LCOR: variants seen among roughly 807,000 people sequenced by gnomAD.
LCOR encodes ligand dependent nuclear receptor corepressor.
LCOR carries 14 observed loss-of-function variants against 64.4 expected under a neutral mutation model. The observed-to-expected ratio is 0.22, with a 90% CI of 0.14 to 0.34. The LOEUF (loss-of-function observed/expected upper bound fraction) is 0.34, where lower values mean the gene tolerates loss of function less well. Ranked by LOEUF, LCOR falls within the 10% of genes least tolerant of loss-of-function variation. The pLI, the probability that LCOR is intolerant of heterozygous loss-of-function variation, is 1.00. For missense variants in LCOR, 1,686 were observed against 1,765.3 expected (o/e 0.96, Z 0.80); for synonymous variants, 643 against 642.5 (o/e 1.00, Z -0.01).
intron 4 of LCOR, among the ~76,000 whole-genome samples, chr10:96,918,406 T>TATA (rs1411624491): frequency 1.3e-5 from 2 of 152,124 alleles, no homozygotes; most frequent in African/African-American, 4.8e-5. Flanking sequence ...AGGGACAGAC[T>TATA]ATAAGTCTGA....
At chr10:96,949,688 C>A (rs533240859) in intron 6 of LCOR, among the ~76,000 whole-genome samples, 1 of 152,262 alleles carries the variant, frequency 6.6e-6, no homozygotes, top group South Asian at 2.1e-4. Context: ...TATGCCTCTA[C>A]TTGCAGGTAT....
At chr10:96,964,898 A>G (rs1008184602) in intron 7 of LCOR, among the ~76,000 whole-genome samples, 1 of 150,280 alleles carries the variant, frequency 6.7e-6, no homozygotes, top group Non-Finnish European at 1.5e-5. Flanking sequence ...TATAAAAGCA[A>G]CATTGTCAGT....
chr10:96,951,870 C>T (rs1847686487), intron 6 of LCOR, among the ~76,000 whole-genome samples: 1 of 152,116 alleles, frequency 6.6e-6, no homozygotes, highest in Admixed American at 6.5e-5. Context: ...ACATGTTTTA[C>T]CTTTTCTTTT....
intron 2 of LCOR, among the ~76,000 whole-genome samples, chr10:96,850,397 C>G (rs1845704876): frequency 6.6e-6 from 1 of 152,160 alleles, no homozygotes; most frequent in African/African-American, 2.4e-5. Context: ...AAAGAAAGAT[C>G]AAGCATGATG....
chr10:96,951,113 C>T (rs1589678161), intron 6 of LCOR, among the ~76,000 whole-genome samples: 2 of 152,090 alleles, frequency 1.3e-5, no homozygotes, highest in East Asian at 1.9e-4. Flanking sequence ...CTAGATAGCA[C>T]GACCCCTCTA....
Position 96,834,135 on chromosome 10 carries a change from G to C in LCOR, c.-330+656G>C, listed in dbSNP as rs944765326. ...GAATATACGCCTTTCCATTTCTACA[G>C]GGTTTCATTACGAAAATGTATAGCG... On this transcript the variant is annotated intron_variant, in intron 2 of 7. Transcript: ENST00000421806. Among the ~76,000 whole-genome samples, 5 of 152,178 alleles carry C rather than the reference G, an allele frequency of 3.3e-5. No homozygotes were observed. In the East Asian group the frequency reaches 7.7e-4, roughly 23 times the overall value.
intron 4 of LCOR, among the ~76,000 whole-genome samples, chr10:96,942,536 C>CA (rs768945067): frequency 1.9e-4 from 29 of 152,272 alleles, no homozygotes; most frequent in Non-Finnish European, 3.5e-4. Context: ...CATTATATAG[C>CA]AAACTTACTG....
chr10:96,847,604 G>A (rs1845653840), intron 2 of LCOR, among the ~76,000 whole-genome samples: 2 of 152,002 alleles, frequency 1.3e-5, no homozygotes, highest in Admixed American at 6.6e-5. Flanking sequence ...ACCACGCCTG[G>A]CTAATTTTGT....
chr10:96,939,947 A>G (rs1847420554), intron 4 of LCOR, among the ~76,000 whole-genome samples: 2 of 152,358 alleles, frequency 1.3e-5, no homozygotes, highest in East Asian at 3.9e-4. Context: ...TAGGCAACAG[A>G]GTGAGACTCC....
chr10:96,931,670 GAAGA>G (rs1385622287), intron 4 of LCOR, among the ~76,000 whole-genome samples: 2 of 152,156 alleles, frequency 1.3e-5, no homozygotes, highest in African/African-American at 4.8e-5. Flanking sequence ...ATAACAACCT[GAAGA>G]TAGATGGACC....
At chr10:96,902,991 T>C (rs1215450666) in intron 2 of LCOR, among the ~76,000 whole-genome samples, 1 of 152,236 alleles carries the variant, frequency 6.6e-6, no homozygotes, top group Non-Finnish European at 1.5e-5. Context: ...TGCAAATCTG[T>C]ACAGCACATT....
chr10:96,948,876 A>C, intron 5 of LCOR, 132 bp from the exon 6 acceptor site: 1 of 558,754 alleles, frequency 1.8e-6, no homozygotes, highest in South Asian at 3.4e-5. Context: ...AGAAAACATA[A>C]GTCAAAGGGG....
chr10:96,894,330 G>T (rs1226105088), intron 2 of LCOR, among the ~76,000 whole-genome samples: 4 of 152,160 alleles, frequency 2.6e-5, no homozygotes, highest in Non-Finnish European at 5.9e-5. Flanking sequence ...GACCACCTTG[G>T]CCTCCCAAAG....
chr10:96,861,669 C>T (rs967382002), intron 2 of LCOR, among the ~76,000 whole-genome samples: 4 of 152,140 alleles, frequency 2.6e-5, no homozygotes, highest in African/African-American at 9.7e-5. Context: ...CCTCAGGTGC[C>T]TGAGTAGCTG....
chr10:96,901,567 A>G (rs1172843417), intron 2 of LCOR, among the ~76,000 whole-genome samples: 1 of 152,194 alleles, frequency 6.6e-6, no homozygotes, highest in Non-Finnish European at 1.5e-5. Flanking sequence ...TCAGTAATCA[A>G]CATTAGGAAG....
Position 96,983,690 on chromosome 10 carries a change from CAG to C in LCOR, c.3235_3236del (p.Ser1079TrpfsTer6). On this transcript the variant is annotated frameshift_variant, in exon 8 of 8. Coordinates refer to ENST00000421806, the MANE Select transcript of LCOR (RefSeq NM_001346516.2). LOFTEE classifies it high-confidence loss of function. This position sits in a 1 kb window ranked among gnomAD's most constrained non-coding sequence, Gnocchi z 4.5. ...ATAATGCCAAAGGAAAATGGAGCTT[CAG>C]AGAGTGGAGACCCCCTAGATGAGGA... 6.2e-7 allele frequency: 1 copy of C among 1,614,148 alleles called. No homozygotes were observed. Among genetic ancestry groups the C allele is most frequent in the Non-Finnish European group, 8.5e-7 (1 of 1,180,024 alleles).
At chr10:96,956,347 A>C in intron 7 of LCOR, 1 of 987,772 alleles carries the variant, frequency 1.0e-6, no homozygotes, top group African/African-American at 1.8e-5. Flanking sequence ...GAGCTTTATC[A>C]CTGCAAATTG....
At chr10:96,904,922 CGACTTTACAGTATCT>C (rs1846702853) in intron 2 of LCOR, among the ~76,000 whole-genome samples, 1 of 152,126 alleles carries the variant, frequency 6.6e-6, no homozygotes, top group Non-Finnish European at 1.5e-5. Flanking sequence ...TAGCAAAATA[CGACTTTACAGTATCT>C]AATCAATAAT....
intron 2 of LCOR, among the ~76,000 whole-genome samples, chr10:96,852,729 A>G (rs1845741497): frequency 6.6e-6 from 1 of 152,172 alleles, no homozygotes; most frequent in Non-Finnish European, 1.5e-5. Flanking sequence ...GGTGGTGGTG[A>G]TAGTTAAGGG....
Sources: gnomAD v4.1 joint callset for allele counts (sites outside exome capture counted in the v4.1 genomes callset) on GRCh38, gnomAD v4.1.1 for gene constraint, Gnocchi (gnomAD v3.1) non-coding constraint, MANE v1.5 for transcripts, NCBI Gene and HGNC (gene_info 2026-07-23, HGNC 2026-07-21) for gene names.